CACNA1C: variants seen among roughly 807,000 people sequenced by gnomAD.
CACNA1C encodes calcium voltage-gated channel subunit alpha1 C, also known as voltage-dependent L-type calcium channel subunit alpha-1C.
CACNA1C carries 30 observed loss-of-function variants against 229.0 expected under a neutral mutation model. That is an observed-to-expected ratio of 0.13 (90% CI 0.10 to 0.18). The LOEUF (loss-of-function observed/expected upper bound fraction) is 0.18, where lower values mean the gene tolerates loss of function less well. Among genes scored for constraint, CACNA1C ranks in the 10% least tolerant of loss-of-function variants. The probability of loss-of-function intolerance (pLI) is 1.00; values close to 1 mark genes in which losing one functional copy is unlikely to be tolerated. For synonymous variants in CACNA1C, 1,114 were observed against 1,132.5 expected, an observed-to-expected ratio of 0.98 and a Z score of 0.33; for missense variants, 1,658 against 2,845.0, an observed-to-expected ratio of 0.58 and a Z score of 9.49.
At chr12:2,074,868 C>T (rs893215129) in intron 1 of CACNA1C, among the ~76,000 whole-genome samples, 28 of 152,156 alleles carry the variant, frequency 1.8e-4, no homozygotes, top group Non-Finnish European at 1.2e-4. Flanking sequence ...GTCTACCTTG[C>T]GGGGTCTGAG....
At chr12:2,513,958 C>T (rs1016319461) in intron 9 of CACNA1C, among the ~76,000 whole-genome samples, 1 of 152,214 alleles carries the variant, frequency 6.6e-6, no homozygotes, top group African/African-American at 2.4e-5. Context: ...GAATCATACT[C>T]TTTCTTTCTT....
chr12:2,660,939 C>T (rs1353559965), intron 34 of CACNA1C: 4 of 152,008 alleles, frequency 2.6e-5, no homozygotes, highest in African/African-American at 7.3e-5. Flanking sequence ...AGGCTATGCT[C>T]ACTGAGAGCT....
rs1166230635 is a variant in CACNA1C, at chr12:2,219,488, TA to T, written c.477+99059del. ...CTGGCCATCTAGAAACCAAGTGTTT[TA>T]TTTTTTTGTCCATTTATTTAAAAAA... On this transcript the variant is annotated intron_variant, in intron 3 of 46. Transcript: ENST00000399655. Among the ~76,000 whole-genome samples, 310 of 152,338 alleles carry T rather than the reference TA, an allele frequency of 2.0e-3. 1 individual carries two copies. Among genetic ancestry groups the T allele is most frequent in the African/African-American group, 7.3e-3 (303 of 41,564 alleles).
chr12:2,075,426 A>G (rs2062843271), intron 1 of CACNA1C, among the ~76,000 whole-genome samples: 1 of 152,128 alleles, frequency 6.6e-6, no homozygotes, highest in Non-Finnish European at 1.5e-5. Context: ...ATGGAAACCC[A>G]TTTTACAGAG....
At chr12:2,658,439 T>C (rs1225112960) in intron 34 of CACNA1C, among the ~76,000 whole-genome samples, 1 of 152,182 alleles carries the variant, frequency 6.6e-6, no homozygotes, top group Admixed American at 6.5e-5. Context: ...AGTGACGCTA[T>C]AGCATCAAAA....
intron 3 of CACNA1C, among the ~76,000 whole-genome samples, chr12:2,190,698 G>T (rs1438967728): frequency 6.6e-6 from 1 of 152,222 alleles, no homozygotes; most frequent in Non-Finnish European, 1.5e-5. Context: ...ACAGTGCTCT[G>T]AGTAGCCTGT....
In CACNA1C at chr12:2,489,778, C is replaced by T. The variant is rs868036955; in HGVS notation, c.917-3412C>T. Among the ~76,000 whole-genome samples the T allele has an allele frequency of 1.7e-4, 26 of 152,322 alleles. 1 individual carries two copies. In the Middle Eastern group the frequency reaches 0.024, roughly 139 times the overall value. On this transcript the variant is annotated intron_variant, in intron 6 of 46. Transcript: ENST00000399655. ...TATTAACTGCGTTTCTAACTCTCTC[C>T]TAATCGTCACCTCCATTATTTTACC...
At chr12:2,177,506 CCT>C (rs912212610) in intron 3 of CACNA1C, among the ~76,000 whole-genome samples, 10 of 150,742 alleles carry the variant, frequency 6.6e-5, no homozygotes, top group Non-Finnish European at 1.3e-4. Context: ...TCCCTCCCTC[CCT>C]CTCTCTTTCT....
chr12:2,470,609 G>T (rs148324551), intron 5 of CACNA1C, among the ~76,000 whole-genome samples: 14 of 152,290 alleles, frequency 9.2e-5, no homozygotes, highest in African/African-American at 3.1e-4. Context: ...TTTATTAGCT[G>T]TGTGCCTCGA....
intron 13 of CACNA1C, among the ~76,000 whole-genome samples, chr12:2,569,147 A>C (rs573005430): frequency 6.6e-6 from 1 of 152,206 alleles, no homozygotes; most frequent in Non-Finnish European, 1.5e-5. Flanking sequence ...GCACCTACCC[A>C]AAGCAGGCCA....
intron 3 of CACNA1C, among the ~76,000 whole-genome samples, chr12:2,430,553 C>A (rs1291863764): frequency 6.6e-6 from 1 of 151,424 alleles, no homozygotes; most frequent in African/African-American, 2.4e-5. Context: ...CCTGCCCACC[C>A]CTGACTCAGT....
chr12:2,638,142 C>T (rs2093106230), intron 30 of CACNA1C, among the ~76,000 whole-genome samples: 1 of 152,106 alleles, frequency 6.6e-6, no homozygotes, highest in African/African-American at 2.4e-5. Flanking sequence ...ATTCACAATG[C>T]AATGAGGACA....
intron 1 of CACNA1C, 118 bp from the exon 2 acceptor site, chr12:2,115,106 G>A (rs1267359400): frequency 1.0e-5 from 8 of 779,776 alleles, no homozygotes; most frequent in East Asian, 5.4e-5. Context: ...CCTCCTAACC[G>A]CCTGCAATAG....
At chr12:1,977,774 G>A (rs1395095636) in intron 1 of CACNA1C, among the ~76,000 whole-genome samples, 1 of 152,038 alleles carries the variant, frequency 6.6e-6, no homozygotes, top group Non-Finnish European at 1.5e-5. Context: ...GAGCAATATT[G>A]TTTCCAAATT....
At position 2,312,531 on chromosome 12, in the gene CACNA1C, C is replaced by G. The variant is rs187908799; in HGVS notation, c.478-136445C>G. Reference sequence around the variant, plus strand: ...ACGACTTTGAAAATACTCTTTGTGTCCCGCCAGAACCTCCTCCTCTTCTCT... The same window carrying G: ...ACGACTTTGAAAATACTCTTTGTGTGCCGCCAGAACCTCCTCCTCTTCTCT... On this transcript the variant is annotated intron_variant, in intron 3 of 46. Transcript: ENST00000399655. Among the ~76,000 whole-genome samples the G allele has an allele frequency of 3.3e-5, 5 of 152,304 alleles. No homozygotes were observed. In the East Asian group the frequency reaches 9.6e-4, roughly 29 times the overall value.
rs913072249 is a variant in CACNA1C, at chr12:2,054,099, C to T, written c.49+488C>T. On this transcript the variant is annotated intron_variant, in intron 1 of 46. Coordinates refer to ENST00000399655, the MANE Select transcript of CACNA1C (RefSeq NM_000719.7). This position sits in a 1 kb window ranked among gnomAD's most constrained non-coding sequence, Gnocchi z 5.5. ...GCGCCCACGGCCGCCCCTGGGGCGC[C>T]CTCGCGCTGCCCGGCGTCCACTCTC... Among the ~76,000 whole-genome samples the T allele has an allele frequency of 6.7e-6, 1 of 149,684 alleles. No homozygotes were observed. The highest frequency in any genetic ancestry group is 2.4e-5 in the African/African-American group (1 of 41,140).
intron 21 of CACNA1C, among the ~76,000 whole-genome samples, chr12:2,600,302 A>C (rs1471811672): frequency 2.0e-5 from 3 of 152,126 alleles, no homozygotes; most frequent in African/African-American, 7.2e-5. Flanking sequence ...CACTTCTAAA[A>C]ACCATTGCCC....
chr12:2,384,223 T>C (rs369277063), intron 3 of CACNA1C, among the ~76,000 whole-genome samples: 86 of 152,360 alleles, frequency 5.6e-4, no homozygotes, highest in African/African-American at 1.8e-3. Flanking sequence ...CGCGGGTTAC[T>C]GTACTGTCTT....
intron 1 of CACNA1C, among the ~76,000 whole-genome samples, chr12:2,113,566 T>G (rs2238032): frequency 0.048 from 7,265 of 152,074 alleles, 495 homozygotes; most frequent in African/African-American, 0.15. Flanking sequence ...CGGCCTTGGG[T>G]GTCATGTATG....
Sources: gnomAD v4.1 joint callset for allele counts (sites outside exome capture counted in the v4.1 genomes callset) on GRCh38, gnomAD v4.1.1 for gene constraint, Gnocchi (gnomAD v3.1) non-coding constraint, MANE v1.5 for transcripts, NCBI Gene and HGNC (gene_info 2026-07-23, HGNC 2026-07-21) for gene names.